Variants in PLS3 observed in about 807,000 individuals in gnomAD.
PLS3 encodes the protein plastin-3.
Under a neutral mutation model 46.5 loss-of-function variants are expected in PLS3, and 11 were observed. The ratio of observed to expected loss-of-function variants is 0.24; its 90% CI spans 0.15 to 0.39. The LOEUF is 0.39. PLS3 is among the 10% of genes least tolerant of loss of function. The pLI is 1.00. For synonymous variants in PLS3, 167 were observed against 162.2 expected (o/e 1.03, Z -0.22); for missense variants, 308 against 461.8 (o/e 0.67, Z 3.05).
At chrX:115,623,378 C>T (rs927306978) in intron 3 of PLS3, among the ~76,000 whole-genome samples, 21 of 109,906 alleles carry the variant, frequency 1.9e-4, no homozygotes, top group African/African-American at 6.6e-4. Flanking sequence ...TTAATTAGCC[C>T]AGCCTGGTAG....
chrX:115,638,915 C>T lies in PLS3; in HGVS notation c.892-1493C>T, dbSNP rs1159041598. Among the ~76,000 whole-genome samples, 7 of 109,373 alleles carry T rather than the reference C, an allele frequency of 6.4e-5. No homozygotes were observed. The East Asian group carries it at 1.2e-3, about 18-fold the overall frequency. The allele number at this position is 109,373 out of a possible 115,157, so 95.0% of individuals were successfully genotyped here. A position where few individuals can be genotyped will look rare whatever the true frequency, so the allele number is the denominator to read the frequency against. On this transcript the variant is annotated intron_variant, in intron 8 of 15. Transcript: ENST00000355899. ...ATTTTTAGTAGACATGGGGTTTCACCGTGTTAGCCAGGATGGTCTCGATCT... is the reference window on the plus strand; with the variant it reads ...ATTTTTAGTAGACATGGGGTTTCACTGTGTTAGCCAGGATGGTCTCGATCT...
chrX:115,612,418 A>G (rs1239496269), intron 2 of PLS3, among the ~76,000 whole-genome samples: 1 of 111,610 alleles, frequency 9.0e-6, no homozygotes, highest in African/African-American at 3.2e-5. Flanking sequence ...TACTTACAGA[A>G]CCCTCAGGCA....
intron 1 of PLS3, among the ~76,000 whole-genome samples, chrX:115,605,269 A>C (rs781878464): frequency 1.6e-4 from 18 of 111,664 alleles, no homozygotes; most frequent in African/African-American, 5.8e-4. Flanking sequence ...TATCTCTTTA[A>C]TGTCTCTGAT....
chrX:115,588,662 G>A lies in PLS3; in HGVS notation c.-8-21581G>A, dbSNP rs781816038. On this transcript the variant is annotated intron_variant, in intron 1 of 15. Coordinates refer to ENST00000355899, the MANE Select transcript of PLS3 (RefSeq NM_005032.7). ...CAGATCCTGAGGCCAAAAAGTTTAGGAACTGCTGAGTTGGGTTTTTTGTTG... is the reference window on the plus strand; with the variant it reads ...CAGATCCTGAGGCCAAAAAGTTTAGAAACTGCTGAGTTGGGTTTTTTGTTG... Among the ~76,000 whole-genome samples the A allele has an allele frequency of 1.0e-3, 114 of 110,454 alleles. 1 individual carries two copies. The highest frequency in any genetic ancestry group is 3.5e-3 in the African/African-American group (106 of 30,128).
chrX:115,563,333 A>C (rs1250666736), intron 1 of PLS3, among the ~76,000 whole-genome samples: 1 of 111,927 alleles, frequency 8.9e-6, no homozygotes, highest in Non-Finnish European at 1.9e-5. Context: ...TAAATTTGAT[A>C]CATCGAGTTG....
intron 1 of PLS3, among the ~76,000 whole-genome samples, chrX:115,605,096 C>A (rs115700352): frequency 0.032 from 3,531 of 111,914 alleles, 137 homozygotes; most frequent in African/African-American, 0.11. Context: ...AGTAGCATTT[C>A]TTTATTTCCT....
Position 115,567,172 on chromosome X carries a change from C to T in PLS3, c.-9+5912C>T, listed in dbSNP as rs2074180799. Among the ~76,000 whole-genome samples, 8 of 111,387 alleles carry T rather than the reference C, an allele frequency of 7.2e-5. No homozygotes were observed. The Admixed American group carries it at 7.7e-4, about 11-fold the overall frequency. ...TGTGATTGCCCATAATGGGAGGTTT[C>T]GTGTAAAAAACCTCATAAAAAATCA... On this transcript the variant is annotated intron_variant, in intron 1 of 15. Transcript: ENST00000355899.
At chrX:115,649,071 G>A (rs1451942621) in intron 15 of PLS3, among the ~76,000 whole-genome samples, 1 of 111,594 alleles carries the variant, frequency 9.0e-6, no homozygotes, top group African/African-American at 3.3e-5. Context: ...TCTCTAAGAT[G>A]ACTTGAGTGT....
At chrX:115,636,786 C>T (rs2074841442) in intron 7 of PLS3, 50 bp from the exon 8 acceptor site, 3 of 1,108,009 alleles carry the variant, frequency 2.7e-6, no homozygotes, top group Admixed American at 5.2e-5. Flanking sequence ...CTTGGCATGA[C>T]CATTATTGTG....
chrX:115,599,827 T>C (rs1384605819), intron 1 of PLS3, among the ~76,000 whole-genome samples: 1 of 109,439 alleles, frequency 9.1e-6, no homozygotes, highest in African/African-American at 3.3e-5. Flanking sequence ...GAGACGGGGC[T>C]TCACCATGTT....
intron 2 of PLS3, among the ~76,000 whole-genome samples, chrX:115,613,386 C>T (rs1447117303): frequency 2.7e-5 from 3 of 111,090 alleles, no homozygotes; most frequent in African/African-American, 6.5e-5. Context: ...ACTTGATATT[C>T]GCTAGTATAT....
intron 6 of PLS3, among the ~76,000 whole-genome samples, chrX:115,634,488 A>G (rs1556639879): frequency 8.9e-6 from 1 of 111,812 alleles, no homozygotes; most frequent in Non-Finnish European, 1.9e-5. Context: ...GACATTGATA[A>G]CTTCTAAAAC....
At chrX:115,574,062 T>C (rs1195248299) in intron 1 of PLS3, among the ~76,000 whole-genome samples, 1 of 111,550 alleles carries the variant, frequency 9.0e-6, no homozygotes, top group African/African-American at 3.3e-5. Context: ...TAACAGTTGT[T>C]TCATTTGGTG....
intron 8 of PLS3, among the ~76,000 whole-genome samples, chrX:115,639,538 T>G (rs2074873449): frequency 8.9e-6 from 1 of 112,090 alleles, no homozygotes; most frequent in African/African-American, 3.2e-5. Context: ...ATAGCCTGTC[T>G]GGACCTTCAA....
At chrX:115,633,295 C>T (rs1041058090) in intron 5 of PLS3, among the ~76,000 whole-genome samples, 3 of 109,057 alleles carry the variant, frequency 2.8e-5, no homozygotes, top group South Asian at 4.0e-4. Flanking sequence ...CGCAGTCTCC[C>T]GACTAGCTGG....
At chrX:115,607,454 G>A (rs912697200) in intron 1 of PLS3, among the ~76,000 whole-genome samples, 1 of 109,975 alleles carries the variant, frequency 9.1e-6, no homozygotes, top group Admixed American at 9.8e-5. Context: ...TTATGAATAG[G>A]CCAGCTTTGT....
chrX:115,611,017 A>G (rs1445790609), intron 2 of PLS3: 41 of 461,482 alleles, frequency 8.9e-5, no homozygotes, highest in Non-Finnish European at 1.6e-4. Flanking sequence ...ACTTATGTAA[A>G]TACATGAATC....
intron 5 of PLS3, among the ~76,000 whole-genome samples, chrX:115,631,513 C>T (rs929708076): frequency 3.6e-5 from 4 of 110,814 alleles, no homozygotes; most frequent in African/African-American, 1.3e-4. Flanking sequence ...GCAGCAAGAT[C>T]GCTGAAGACC....
intron 10 of PLS3, 78 bp from the exon 11 acceptor site, chrX:115,644,938 ATAATC>A: frequency 1.7e-6 from 1 of 602,437 alleles, no homozygotes; most frequent in Non-Finnish European, 2.7e-6. Flanking sequence ...GAGAGATAAA[ATAATC>A]TAATATGTGT....
Sources: gnomAD v4.1 joint callset for allele counts (sites outside exome capture counted in the v4.1 genomes callset) on GRCh38, gnomAD v4.1.1 for gene constraint, MANE v1.5 for transcripts, NCBI Gene and HGNC (gene_info 2026-07-23, HGNC 2026-07-21) for gene names.